ZC3H11A: variants seen among roughly 807,000 people sequenced by gnomAD.
ZC3H11A encodes the protein zinc finger CCCH domain-containing protein 11A.
Under a neutral mutation model 90.8 loss-of-function variants are expected in ZC3H11A, and 22 were observed. The observed-to-expected ratio is 0.24, with a 90% confidence interval of 0.17 to 0.35. The LOEUF (loss-of-function observed/expected upper bound fraction) is 0.35, where lower values mean the gene tolerates loss of function less well. Ranked by LOEUF, ZC3H11A falls within the 10% of genes least tolerant of loss-of-function variation. ZC3H11A has a pLI of 1.00. For synonymous variants in ZC3H11A, 294 were observed against 339.8 expected (o/e 0.87, Z 1.48); for missense variants, 701 against 964.9 (o/e 0.73, Z 3.62).
At chr1:203,832,154 G>A (rs1682586578) in intron 9 of ZC3H11A, among the ~76,000 whole-genome samples, 2 of 152,138 alleles carry the variant, frequency 1.3e-5, no homozygotes, top group Admixed American at 6.6e-5. Context: ...CGTCTTCTGG[G>A]TTCAAGCAAT....
chr1:203,830,930 T>TTTTTA (rs1682093534), intron 8 of ZC3H11A, among the ~76,000 whole-genome samples: 1 of 74,812 alleles, frequency 1.3e-5, no homozygotes, highest in Admixed American at 1.1e-4. Context: ...CCCCAATTTT[T>TTTTTA]TTTTTTTTTT....
intron 8 of ZC3H11A, 63 bp from the exon 9 acceptor site, chr1:203,831,598 T>G (rs1196275511): frequency 2.7e-6 from 4 of 1,462,140 alleles, no homozygotes; most frequent in Non-Finnish European, 2.8e-6. Flanking sequence ...AAACAAATTT[T>G]TTGACTTGGG....
In ZC3H11A at chr1:203,849,881, C is replaced by T. The variant is rs767626951; in HGVS notation, c.1794C>T (p.Leu598=). 18 of 1,613,958 alleles carry T rather than the reference C, an allele frequency of 1.1e-5. 1 individual carries two copies. In the Admixed American group the frequency reaches 2.2e-4, roughly 19 times the overall value. The change falls in exon 15 of 18, where the codon CTC becomes CTT. Residue 598 remains leucine (L), a synonymous_variant. Coordinates refer to ENST00000367210, the MANE Select transcript of ZC3H11A (RefSeq NM_001376342.1). ...CNTQVAEKPV[L]TAVPGITRHL... ...CCCAAGTGGCAGAGAAACCAGTGCT[C>T]ACTGCTGTGCCAGGAATCACACGGC...
At position 203,802,238 on chromosome 1, in the gene ZC3H11A, A is replaced by C. The variant is rs1302920931; in HGVS notation, c.-924A>C. 1.3e-5 allele frequency: 2 copies of C among 152,570 alleles called. No homozygotes were observed. The highest frequency in any genetic ancestry group is 2.4e-5 in the African/African-American group (1 of 41,416). The allele number at this position is 152,570 out of a possible 1,614,324, so 9.5% of individuals were successfully genotyped here. On this transcript the variant is annotated 5_prime_UTR_variant, in exon 2 of 18. Transcript: ENST00000367210. ...ACATACATCCATATTATACATAATG[A>C]TATATGTGTAAGGATTTACCTTCGT...
intron 4 of ZC3H11A, among the ~76,000 whole-genome samples, chr1:203,823,773 A>G (rs1679562361): frequency 6.6e-6 from 1 of 152,224 alleles, no homozygotes. Context: ...AGAATTGCTT[A>G]TTGTAGCAAT....
At chr1:203,817,148 A>G in intron 3 of ZC3H11A, 24 bp downstream of exon 3, 1 of 1,571,060 alleles carries the variant, frequency 6.4e-7, no homozygotes, top group South Asian at 1.2e-5. Flanking sequence ...TCTTTAAATC[A>G]GTTCTTTCTA....
chr1:203,837,238 C>T (rs554303270), intron 10 of ZC3H11A, among the ~76,000 whole-genome samples: 1 of 149,558 alleles, frequency 6.7e-6, no homozygotes, highest in East Asian at 2.0e-4. Flanking sequence ...TTGCAGTGAG[C>T]TGAGATTGCA....
At chr1:203,850,941 G>A in intron 16 of ZC3H11A, 116 bp from the exon 17 acceptor site, 1 of 1,306,586 alleles carries the variant, frequency 7.7e-7, no homozygotes. Flanking sequence ...TCGATTCTTA[G>A]ATTCACAGGC....
At chr1:203,799,313 C>A in intron 1 of ZC3H11A, 1 of 711,560 alleles carries the variant, frequency 1.4e-6, no homozygotes, top group Non-Finnish European at 2.5e-6. Context: ...ACTTTTTCTG[C>A]GAGCACAAAA....
chr1:203,796,801 C>T lies in ZC3H11A; in HGVS notation c.-1588+1007C>T, dbSNP rs577555902. 82 of 207,302 alleles carry T rather than the reference C, an allele frequency of 4.0e-4. 1 individual carries two copies. The highest frequency in any genetic ancestry group is 1.7e-3 in the Middle Eastern group (1 of 592). 12.8% of individuals were successfully genotyped at this position (207,302 alleles called of 1,614,324 possible). On this transcript the variant is annotated intron_variant, in intron 1 of 17. Transcript: ENST00000367210. The stretch of plus-strand genomic sequence containing the variant: ...TAATACAAACAGTACTTTGAAAATG[C>T]AGCATTTAACCTTGTTTTAAAATTT...
chr1:203,843,748 T>A (rs1687124801), intron 12 of ZC3H11A, among the ~76,000 whole-genome samples: 3 of 152,212 alleles, frequency 2.0e-5, no homozygotes, highest in South Asian at 2.1e-4. Context: ...GGGGCCAGCC[T>A]TATCTTTATT....
At chr1:203,827,104 A>G (rs1400289121) in intron 4 of ZC3H11A, among the ~76,000 whole-genome samples, 1 of 152,166 alleles carries the variant, frequency 6.6e-6, no homozygotes, top group Non-Finnish European at 1.5e-5. Flanking sequence ...CATCTGTGGC[A>G]TTGAGTATAG....
At chr1:203,840,853 C>T (rs1414363027) in intron 12 of ZC3H11A, among the ~76,000 whole-genome samples, 1 of 152,004 alleles carries the variant, frequency 6.6e-6, no homozygotes, top group East Asian at 1.9e-4. Flanking sequence ...AGGCTGGTCT[C>T]AAACTCCTGA....
Position 203,830,216 on chromosome 1 carries a change from G to T in ZC3H11A, c.700+13G>T, listed in dbSNP as rs1408986636. ...AAGAAGCAAGGTGGTAAGTCATCACGTTTTGGCATGGATAGTTGTATGTTG... is the reference window on the plus strand; with the variant it reads ...AAGAAGCAAGGTGGTAAGTCATCACTTTTTGGCATGGATAGTTGTATGTTG... On this transcript the variant is annotated intron_variant, in intron 8 of 17. Transcript: ENST00000367210. The T allele has an allele frequency of 1.3e-6, 2 of 1,579,858 alleles. No homozygotes were observed. Among genetic ancestry groups the T allele is most frequent in the South Asian group, 1.1e-5 (1 of 87,020 alleles).
At position 203,850,070 on chromosome 1, in the gene ZC3H11A, AC is replaced by A. The variant is rs1437430180; in HGVS notation, c.1939+46del. 11 of 1,572,780 alleles carry A rather than the reference AC, an allele frequency of 7.0e-6. No homozygotes were observed. In the East Asian group the frequency reaches 2.5e-4, roughly 35 times the overall value. On this transcript the variant is annotated intron_variant, in intron 15 of 17. Coordinates refer to ENST00000367210, the MANE Select transcript of ZC3H11A (RefSeq NM_001376342.1). ...TGTATTGCTTTAGGTTATCAAAATTACCAAATTCAACCCAATTGTTGCCAGT... is the reference window on the plus strand; with the variant it reads ...TGTATTGCTTTAGGTTATCAAAATTACAAATTCAACCCAATTGTTGCCAGT...
At chr1:203,831,008 C>T (rs1682161150) in intron 8 of ZC3H11A, among the ~76,000 whole-genome samples, 1 of 125,844 alleles carries the variant, frequency 7.9e-6, no homozygotes, top group Non-Finnish European at 1.6e-5. Context: ...TGCAATGGCG[C>T]AATCTTTGCT....
At chr1:203,816,772 T>C (rs905431228) in intron 2 of ZC3H11A, among the ~76,000 whole-genome samples, 154 bp from the exon 3 acceptor site, 8 of 152,218 alleles carry the variant, frequency 5.3e-5, no homozygotes, top group Non-Finnish European at 1.0e-4. Flanking sequence ...GATGGGAATG[T>C]ACAGTATTCG....
intron 2 of ZC3H11A, among the ~76,000 whole-genome samples, chr1:203,813,173 T>G (rs1675093526): frequency 6.6e-6 from 1 of 152,074 alleles, no homozygotes; most frequent in African/African-American, 2.4e-5. Context: ...CTTTTTAATT[T>G]TAATGAACTC....
At chr1:203,826,245 T>C (rs1680470799) in intron 4 of ZC3H11A, among the ~76,000 whole-genome samples, 1 of 152,152 alleles carries the variant, frequency 6.6e-6, no homozygotes, top group South Asian at 2.1e-4. Context: ...ATTTTTACTT[T>C]ATTTTTACTG....
Sources: allele counts gnomAD v4.1 joint callset (sites outside exome capture counted in the v4.1 genomes callset), GRCh38; gene constraint gnomAD v4.1.1; transcripts MANE v1.5; gene names NCBI Gene and HGNC (gene_info 2026-07-23, HGNC 2026-07-21).